The following ITPK1 variants were observed in gnomAD, a reference collection of about 807,000 sequenced individuals.
ITPK1 encodes inositol-tetrakisphosphate 1-kinase.
ITPK1 carries 21 observed loss-of-function variants against 45.3 expected under a neutral mutation model. That is an observed-to-expected ratio of 0.46 (90% CI 0.33 to 0.67). ITPK1 has a LOEUF of 0.67. ITPK1 is among the 30% of genes least tolerant of loss of function. The pLI, the probability that ITPK1 is intolerant of heterozygous loss-of-function variation, is 0.02. For synonymous variants in ITPK1, 258 were observed against 253.6 expected (o/e 1.02, Z -0.16); for missense variants, 474 against 573.5 (o/e 0.83, Z 1.77).
intron 5 of ITPK1, among the ~76,000 whole-genome samples, chr14:92,978,675 A>G (rs998362012): frequency 6.6e-6 from 1 of 151,954 alleles, no homozygotes; most frequent in Non-Finnish European, 1.5e-5. Context: ...ACAGCTTCAG[A>G]GGGTGCAATC....
At chr14:93,007,935 G>A (rs1419056887) in intron 4 of ITPK1, among the ~76,000 whole-genome samples, 2 of 152,210 alleles carry the variant, frequency 1.3e-5, no homozygotes, top group African/African-American at 4.8e-5. Context: ...AGGGGAGCTG[G>A]CACGATATTT....
intron 2 of ITPK1, among the ~76,000 whole-genome samples, chr14:93,104,554 G>A (rs1423472034): frequency 1.3e-5 from 2 of 152,262 alleles, no homozygotes; most frequent in East Asian, 3.9e-4. Flanking sequence ...CTGGCGGAGT[G>A]GAAACAGCAT....
Position 93,076,484 on chromosome 14 carries a change from TG to T in ITPK1, c.120+110del. 1 of 1,254,376 alleles carries T rather than the reference TG, an allele frequency of 8.0e-7. No homozygotes were observed. Among genetic ancestry groups the T allele is most frequent in the Non-Finnish European group, 1.2e-6 (1 of 867,026 alleles). 77.7% of individuals were successfully genotyped at this position (1,254,376 alleles called of 1,614,324 possible). On this transcript the variant is annotated intron_variant, in intron 3 of 10. Transcript: ENST00000267615. The surrounding 1 kb of genome is among the most constrained non-coding windows in gnomAD (Gnocchi z 4.3). ...AGGGGAGCTAAAAACAAGCTGCACG[TG>T]AAGAAGAGAGAAAGCCGTGCCCAAT...
chr14:93,039,542 T>C (rs1889472238), intron 3 of ITPK1, among the ~76,000 whole-genome samples: 1 of 152,228 alleles, frequency 6.6e-6, no homozygotes, highest in African/African-American at 2.4e-5. Context: ...CTTTGTATCT[T>C]TACCAGCCCA....
chr14:92,964,014 A>G (rs1177504143), intron 5 of ITPK1, among the ~76,000 whole-genome samples: 1 of 152,252 alleles, frequency 6.6e-6, no homozygotes, highest in African/African-American at 2.4e-5. Context: ...CTAGGAGGTC[A>G]GGACATTAAA....
At chr14:92,999,188 C>T (rs565234292) in intron 4 of ITPK1, among the ~76,000 whole-genome samples, 22 of 152,328 alleles carry the variant, frequency 1.4e-4, no homozygotes, top group Admixed American at 2.6e-4. Context: ...CCCAGGGGCC[C>T]GGACTGACCC....
intron 7 of ITPK1, among the ~76,000 whole-genome samples, chr14:92,959,556 C>T (rs1415928966): frequency 1.3e-5 from 2 of 152,180 alleles, no homozygotes; most frequent in Non-Finnish European, 2.9e-5. Context: ...AAAACACGAG[C>T]AGCTCTGGAG....
At chr14:93,100,002 C>T (rs1892245627) in intron 2 of ITPK1, among the ~76,000 whole-genome samples, 1 of 152,174 alleles carries the variant, frequency 6.6e-6, no homozygotes, top group Admixed American at 6.5e-5. Context: ...AGCCCAGAAA[C>T]AGGGAGCACG....
intron 9 of ITPK1, among the ~76,000 whole-genome samples, chr14:92,948,983 C>A (rs1175481945): frequency 7.2e-6 from 1 of 139,492 alleles, no homozygotes; most frequent in Non-Finnish European, 1.5e-5. Context: ...ACACACAGGG[C>A]CCCCCTGCTC....
At chr14:92,991,370 G>A (rs899503118) in intron 5 of ITPK1, among the ~76,000 whole-genome samples, 2 of 151,310 alleles carry the variant, frequency 1.3e-5, no homozygotes, top group African/African-American at 2.4e-5. Context: ...GCCCAGGCTC[G>A]GCGTGCACGA....
At chr14:92,945,835 C>T (rs920789612) in intron 10 of ITPK1, among the ~76,000 whole-genome samples, 1 of 152,184 alleles carries the variant, frequency 6.6e-6, no homozygotes, top group Non-Finnish European at 1.5e-5. Flanking sequence ...TAGCCCAGGG[C>T]TCCTCCCCAG....
At chr14:92,964,502 G>A (rs1229474426) in intron 5 of ITPK1, among the ~76,000 whole-genome samples, 1 of 152,364 alleles carries the variant, frequency 6.6e-6, no homozygotes, top group East Asian at 1.9e-4. Flanking sequence ...GGCCCTCCAT[G>A]GCTGTCAAGG....
intron 3 of ITPK1, among the ~76,000 whole-genome samples, chr14:93,037,883 G>C (rs965064044): frequency 6.6e-6 from 1 of 152,130 alleles, no homozygotes; most frequent in African/African-American, 2.4e-5. Context: ...CTCAGGGATC[G>C]AAAAATTTTA....
intron 2 of ITPK1, among the ~76,000 whole-genome samples, chr14:93,079,592 C>T (rs570216583): frequency 6.6e-6 from 1 of 152,182 alleles, no homozygotes; most frequent in Non-Finnish European, 1.5e-5. Context: ...GAGGTGGCAG[C>T]GGAAAACTGC....
intron 3 of ITPK1, among the ~76,000 whole-genome samples, chr14:93,055,030 C>T (rs531976247): frequency 7.9e-5 from 12 of 152,304 alleles, no homozygotes; most frequent in Non-Finnish European, 1.6e-4. Flanking sequence ...CAGAGAGTAG[C>T]TTGGCCTGGT....
Position 93,106,755 on chromosome 14 carries a change from C to A in ITPK1, c.95+8314G>T, listed in dbSNP as rs574549003. Among the ~76,000 whole-genome samples the A allele has an allele frequency of 2.0e-5, 3 of 152,284 alleles. No individual in the cohort carries two copies. The South Asian group carries it at 6.2e-4, about 32-fold the overall frequency. On this transcript the variant is annotated intron_variant, in intron 2 of 10. Transcript: ENST00000267615. ...TGCCGGCAAGGACCAGCACCCAGCA[C>A]AGGCCTGGCCAGGGCAGATGCTCAG... is the stretch of plus-strand genomic sequence containing the variant.
intron 3 of ITPK1, among the ~76,000 whole-genome samples, chr14:93,022,315 A>T (rs1012655985): frequency 1.2e-4 from 18 of 152,294 alleles, no homozygotes; most frequent in South Asian, 4.1e-4. Context: ...AAGAGAAAAG[A>T]CACAGAGAGC....
At chr14:92,967,464 T>G (rs1340601238) in intron 5 of ITPK1, among the ~76,000 whole-genome samples, 1 of 152,166 alleles carries the variant, frequency 6.6e-6, no homozygotes, top group Non-Finnish European at 1.5e-5. Flanking sequence ...ACATTGCTGG[T>G]GGGAATAGAG....
chr14:93,040,365 C>G (rs900085646), intron 3 of ITPK1, among the ~76,000 whole-genome samples: 2 of 152,126 alleles, frequency 1.3e-5, no homozygotes, highest in Admixed American at 6.5e-5. Context: ...AAGGACAGAG[C>G]AGGGGTAGGG....
Sources: gnomAD v4.1 joint callset for allele counts (sites outside exome capture counted in the v4.1 genomes callset) on GRCh38, gnomAD v4.1.1 for gene constraint, Gnocchi (gnomAD v3.1) non-coding constraint, MANE v1.5 for transcripts, NCBI Gene and HGNC (gene_info 2026-07-23, HGNC 2026-07-21) for gene names.